Variants in HECTD2 observed in about 807,000 individuals in gnomAD.
The protein encoded by HECTD2 is probable E3 ubiquitin-protein ligase HECTD2.
A neutral mutation model predicts 103.2 loss-of-function variants in HECTD2; 35 were observed. The ratio of observed to expected loss-of-function variants is 0.34; its 90% CI spans 0.26 to 0.45. The LOEUF (loss-of-function observed/expected upper bound fraction) is 0.45, where lower values mean the gene tolerates loss of function less well. Ranked by LOEUF, HECTD2 falls within the 20% of genes least tolerant of loss-of-function variation. The pLI, the probability that HECTD2 is intolerant of heterozygous loss-of-function variation, is 1.00. For missense variants in HECTD2, 596 were observed against 937.4 expected, an observed-to-expected ratio of 0.64 and a Z score of 4.76; for synonymous variants, 281 against 329.9, an observed-to-expected ratio of 0.85 and a Z score of 1.61.
At chr10:91,435,769 C>T (rs1425559744) in intron 2 of HECTD2, among the ~76,000 whole-genome samples, 2 of 151,922 alleles carry the variant, frequency 1.3e-5, no homozygotes, top group Non-Finnish European at 2.9e-5. Context: ...AGCTTCATGT[C>T]CTTAAATTCC....
intron 5 of HECTD2, among the ~76,000 whole-genome samples, chr10:91,475,788 A>G (rs1024029558): frequency 6.6e-6 from 1 of 152,214 alleles, no homozygotes; most frequent in Non-Finnish European, 1.5e-5. Flanking sequence ...AAGTGAGACC[A>G]TAAGGACAGC....
At chr10:91,434,147 CT>C (rs202002505) in intron 2 of HECTD2, among the ~76,000 whole-genome samples, 7 of 151,464 alleles carry the variant, frequency 4.6e-5, no homozygotes, top group African/African-American at 1.7e-4. Flanking sequence ...GTGAGTCAGA[CT>C]TTTTTTTTCC....
chr10:91,478,201 C>T lies in HECTD2; in HGVS notation c.601C>T (p.Pro201Ser). 1 of 1,605,576 alleles carries T rather than the reference C, an allele frequency of 6.2e-7. No homozygotes were observed. The highest frequency in any genetic ancestry group is 8.5e-7 in the Non-Finnish European group (1 of 1,172,662). Residue 201 changes from proline to serine, a missense_variant and splice_region_variant, in exon 6 of 21, where the codon CCT becomes TCT. Physicochemically the swap from Pro to Ser is moderately conservative, Grantham distance 74. Coordinates refer to ENST00000298068, the MANE Select transcript of HECTD2 (RefSeq NM_182765.6). ...CCTTACTGTTTTCTTTTGCCTACAG[C>T]CTCAAGACGTTCAGAAGACAGTATT... ...NAVYDTLLNT[P>S]QDVQKTVLKG...
At chr10:91,502,999 G>C (rs1846966247) in intron 20 of HECTD2, among the ~76,000 whole-genome samples, 1 of 152,170 alleles carries the variant, frequency 6.6e-6, no homozygotes. Flanking sequence ...CACTCCAGCT[G>C]AAAGAGGAGT....
At chr10:91,451,612 G>C (rs1290795893) in intron 2 of HECTD2, among the ~76,000 whole-genome samples, 2 of 152,034 alleles carry the variant, frequency 1.3e-5, no homozygotes, top group Non-Finnish European at 2.9e-5. Flanking sequence ...GTTTTAACAA[G>C]TTTTCCAGGT....
At chr10:91,467,169 GGAGCA>G (rs201925604) in intron 5 of HECTD2, among the ~76,000 whole-genome samples, 2,361 of 152,278 alleles carry the variant, frequency 0.016, 57 homozygotes, top group African/African-American at 0.054. Flanking sequence ...GAACAGGCAA[GGAGCA>G]GCCTGCTCTT....
At chr10:91,491,065 A>G in intron 11 of HECTD2, 135 bp from the exon 12 acceptor site, 1 of 492,864 alleles carries the variant, frequency 2.0e-6, no homozygotes, top group South Asian at 2.9e-5. Context: ...AAATGTGTAT[A>G]ATTGATTTTT....
At chr10:91,465,605 C>T (rs1047758480) in intron 5 of HECTD2, among the ~76,000 whole-genome samples, 1 of 151,082 alleles carries the variant, frequency 6.6e-6, no homozygotes, top group Non-Finnish European at 1.5e-5. Context: ...AGGAAGTTCT[C>T]CTCTACTTCT....
chr10:91,504,930 T>C (rs1445403970), intron 20 of HECTD2, among the ~76,000 whole-genome samples: 1 of 152,208 alleles, frequency 6.6e-6, no homozygotes, highest in African/African-American at 2.4e-5. Flanking sequence ...GCGGATCTCT[T>C]GGCAGAAACC....
chr10:91,507,521 A>G (rs1179658604), intron 20 of HECTD2, among the ~76,000 whole-genome samples: 1 of 152,252 alleles, frequency 6.6e-6, no homozygotes, highest in African/African-American at 2.4e-5. Context: ...CCCATTCACA[A>G]CTGCTTCAAA....
chr10:91,412,901 G>C (rs186677845), intron 1 of HECTD2, among the ~76,000 whole-genome samples: 3 of 152,100 alleles, frequency 2.0e-5, no homozygotes, highest in Admixed American at 2.0e-4. Flanking sequence ...AGGTAGGTGG[G>C]CAGGGAAATA....
rs761498644 is a variant in HECTD2 at position 91,487,707 on chromosome 10, G to A, written c.1120G>A (p.Val374Ile). The change falls in exon 11 of 21, where the codon GTT becomes ATT. Residue 374 changes from valine (V) to isoleucine (I), a missense_variant. Physicochemically the swap from Val to Ile is conservative, Grantham distance 29. Around this residue, in one of 4 missense-constraint regions of HECTD2, gnomAD observed 303 missense variants for 522.5 expected, o/e 0.58. Coordinates refer to ENST00000298068, the MANE Select transcript of HECTD2 (RefSeq NM_182765.6). The surrounding 1 kb of genome is among the most constrained non-coding windows in gnomAD (Gnocchi z 4.1). Reference protein sequence around the residue: ...HRFSFCQYPFVISVAAKKIII... With the variant: ...HRFSFCQYPFIISVAAKKIII... ...GTTTTCCTTCTGTCAGTACCCATTC[G>A]TTATTTCTGTAGCTGCAAAAAAAAT... The A allele has an allele frequency of 1.1e-5, 18 of 1,611,416 alleles. No homozygotes were observed. The highest frequency in any genetic ancestry group is 1.7e-5 in the Admixed American group (1 of 59,942).
chr10:91,477,909 A>G (rs1221234272), intron 5 of HECTD2, among the ~76,000 whole-genome samples: 1 of 152,222 alleles, frequency 6.6e-6, no homozygotes. Context: ...CTGTCGGGTC[A>G]AGGAAAGTGA....
At chr10:91,494,834 T>C (rs1846607968) in intron 14 of HECTD2, among the ~76,000 whole-genome samples, 1 of 152,078 alleles carries the variant, frequency 6.6e-6, no homozygotes, top group South Asian at 2.1e-4. Context: ...ATGTTTGTCA[T>C]GCTTTATATT....
At chr10:91,479,338 A>C (rs978110996) in intron 6 of HECTD2, among the ~76,000 whole-genome samples, 1 of 152,238 alleles carries the variant, frequency 6.6e-6, no homozygotes, top group South Asian at 2.1e-4. Context: ...TATCTGTAAC[A>C]TAAATTTCAG....
intron 2 of HECTD2, among the ~76,000 whole-genome samples, chr10:91,430,088 T>A (rs1843771702): frequency 6.6e-6 from 1 of 152,244 alleles, no homozygotes; most frequent in Non-Finnish European, 1.5e-5. Flanking sequence ...ATCTTTGTTC[T>A]TGTTGGTTTC....
intron 5 of HECTD2, among the ~76,000 whole-genome samples, chr10:91,476,624 G>A (rs971498439): frequency 3.3e-5 from 5 of 152,186 alleles, no homozygotes; most frequent in African/African-American, 7.2e-5. Context: ...AGTGCCAAAC[G>A]GGACTTGGCC....
chr10:91,412,442 A>G (rs1842952891), intron 1 of HECTD2, among the ~76,000 whole-genome samples: 1 of 148,478 alleles, frequency 6.7e-6, no homozygotes, highest in Non-Finnish European at 1.5e-5. Context: ...GGATAAATAT[A>G]CAAAACTTGA....
intron 20 of HECTD2, among the ~76,000 whole-genome samples, chr10:91,504,426 G>A (rs1405058740): frequency 8.5e-5 from 13 of 152,050 alleles, no homozygotes; most frequent in Non-Finnish European, 1.0e-4. Flanking sequence ...ACAGAGAAGT[G>A]CTTAAAGGAG....
Sources: gnomAD v4.1 joint callset for allele counts (sites outside exome capture counted in the v4.1 genomes callset) on GRCh38, gnomAD v4.1.1 for gene constraint, gnomAD v4.1.1 regional missense constraint, Gnocchi (gnomAD v3.1) non-coding constraint, MANE v1.5 for transcripts, NCBI Gene and HGNC (gene_info 2026-07-23, HGNC 2026-07-21) for gene names.